The following AGBL2 variants were observed in gnomAD, a reference collection of about 807,000 sequenced individuals.
The protein encoded by AGBL2 is cytosolic carboxypeptidase 2.
Under a neutral mutation model 103.0 loss-of-function variants are expected in AGBL2, and 87 were observed. That is an observed-to-expected ratio of 0.84 (90% confidence interval 0.71 to 1.01). AGBL2 has a LOEUF of 1.01. Ranked by LOEUF, AGBL2 falls within the 50% of genes least tolerant of loss-of-function variation. AGBL2 has a pLI of 0.00. For synonymous variants in AGBL2, 335 were observed against 356.7 expected (o/e 0.94, Z 0.69); for missense variants, 904 against 1,023.5 (o/e 0.88, Z 1.59).
chr11:47,711,413 C>T (rs1378126924), intron 3 of AGBL2, among the ~76,000 whole-genome samples: 1 of 152,210 alleles, frequency 6.6e-6, no homozygotes, highest in Non-Finnish European at 1.5e-5. Context: ...CCTCCCCTCA[C>T]TTGCTTGCCA....
At chr11:47,684,780 C>T (rs1010100442) in intron 11 of AGBL2, among the ~76,000 whole-genome samples, 1 of 152,074 alleles carries the variant, frequency 6.6e-6, no homozygotes, top group East Asian at 1.9e-4. Flanking sequence ...TAATATCTTA[C>T]AATTATTTGT....
At chr11:47,708,935 A>C (rs2153805507) in intron 4 of AGBL2, among the ~76,000 whole-genome samples, 1 of 152,266 alleles carries the variant, frequency 6.6e-6, no homozygotes, top group East Asian at 1.9e-4. Flanking sequence ...CAGCCTGGCT[A>C]ACATGGCGAG....
intron 14 of AGBL2, among the ~76,000 whole-genome samples, chr11:47,671,696 C>A (rs1182756298): frequency 6.6e-6 from 1 of 152,164 alleles, no homozygotes; most frequent in Non-Finnish European, 1.5e-5. Flanking sequence ...AGAAAGACAG[C>A]AGGAAGAAAA....
chr11:47,695,638 G>T (rs1160226218), intron 8 of AGBL2, among the ~76,000 whole-genome samples: 3 of 151,254 alleles, frequency 2.0e-5, no homozygotes, highest in Non-Finnish European at 4.4e-5. Flanking sequence ...GCTGGGCAGG[G>T]TGGTACATGC....
At chr11:47,668,656 T>C (rs184416393) in intron 15 of AGBL2, among the ~76,000 whole-genome samples, 185 bp downstream of exon 15, 1 of 152,312 alleles carries the variant, frequency 6.6e-6, no homozygotes, top group East Asian at 1.9e-4. Context: ...TAAGATGGCC[T>C]TAAAAATTAA....
At chr11:47,707,628 G>A (rs10769288) in intron 4 of AGBL2, among the ~76,000 whole-genome samples, 44,710 of 152,012 alleles carry the variant, frequency 0.29, 7,782 homozygotes, top group South Asian at 0.43. Flanking sequence ...TTTGGGTGGG[G>A]ACGCAGCCAA....
At chr11:47,713,808 C>T (rs991832289) in intron 3 of AGBL2, among the ~76,000 whole-genome samples, 5 of 151,724 alleles carry the variant, frequency 3.3e-5, no homozygotes, top group African/African-American at 1.2e-4. Flanking sequence ...CCAGGATGGT[C>T]TCGATCTCCT....
Position 47,681,826 on chromosome 11 carries a change from G to A in AGBL2, c.1915+143C>T, listed in dbSNP as rs566272389. 13 of 982,868 alleles carry A rather than the reference G, an allele frequency of 1.3e-5. No individual in the cohort carries two copies. The East Asian group carries it at 2.5e-4, about 19-fold the overall frequency. The allele number at this position is 982,868 out of a possible 1,614,324, so 60.9% of individuals were successfully genotyped here. A position where few individuals can be genotyped will look rare whatever the true frequency, so the allele number is the denominator to read the frequency against. ...AAATATATTTCACATTCATATGTTG[G>A]GCACTCAAATTTAGCATAAGTCTAG... On this transcript the variant is annotated intron_variant, in intron 12 of 18. Transcript: ENST00000525123.
Position 47,687,807 on chromosome 11 carries a change from C to CTT in AGBL2, c.1632-1760_1632-1759dup, listed in dbSNP as rs369461728. 7.8e-4 allele frequency among the ~76,000 whole-genome samples: 108 copies of CTT among 138,560 alleles called. 1 individual carries two copies. The highest frequency in any genetic ancestry group is 9.9e-4 in the Non-Finnish European group (64 of 64,422). The allele number at this position is 138,560 out of a possible 152,430, so 90.9% of individuals were successfully genotyped here. A position where few individuals can be genotyped will look rare whatever the true frequency, so the allele number is the denominator to read the frequency against. On this transcript the variant is annotated intron_variant, in intron 10 of 18. Transcript: ENST00000525123. ...TCTTTCTTTTTTCTTTTCTTTCTTT[C>CTT]TTTTTTTTTTTTTTTGTTAAGACAC...
chr11:47,708,812 C>CAAA (rs1237555094), intron 4 of AGBL2, among the ~76,000 whole-genome samples: 2 of 111,460 alleles, frequency 1.8e-5, no homozygotes, highest in African/African-American at 6.4e-5. Context: ...GACTCTGTCT[C>CAAA]AAAAAAAAAA....
chr11:47,660,483 C>T, intron 18 of AGBL2, 137 bp from the exon 19 acceptor site: 1 of 771,464 alleles, frequency 1.3e-6, no homozygotes, highest in Non-Finnish European at 2.0e-6. Flanking sequence ...AAGTAGTTGA[C>T]AATGTTACAG....
In AGBL2 at chr11:47,704,093, CTCTG is replaced by C. The variant is rs1565085473; in HGVS notation, c.586+446_586+449del. On this transcript the variant is annotated intron_variant, in intron 7 of 18. Coordinates refer to ENST00000525123, the MANE Select transcript of AGBL2 (RefSeq NM_024783.4). ...CTCCAGCCTGAGTGACAGAGTGAGA[CTCTG>C]TCTCAGTAAATAAATAAATAAATAA... 2.6e-5 allele frequency among the ~76,000 whole-genome samples: 4 copies of C among 151,662 alleles called. No homozygotes were observed. The South Asian group carries it at 6.2e-4, about 24-fold the overall frequency.
At chr11:47,681,303 G>T (rs1196024325) in intron 12 of AGBL2, among the ~76,000 whole-genome samples, 1 of 151,896 alleles carries the variant, frequency 6.6e-6, no homozygotes, top group Non-Finnish European at 1.5e-5. Context: ...CTACACTCTA[G>T]CCTGGGTGAA....
intron 4 of AGBL2, among the ~76,000 whole-genome samples, chr11:47,707,555 C>A (rs1270365108): frequency 6.6e-6 from 1 of 152,118 alleles, no homozygotes; most frequent in African/African-American, 2.4e-5. Context: ...AAAAAACCTG[C>A]CCCCATGATT....
At chr11:47,703,662 C>T (rs2097506397) in intron 7 of AGBL2, among the ~76,000 whole-genome samples, 1 of 151,150 alleles carries the variant, frequency 6.6e-6, no homozygotes, top group South Asian at 2.1e-4. Context: ...TGGTGGCTCA[C>T]ATCTGTAATC....
chr11:47,697,406 T>G (rs1301801264), intron 8 of AGBL2, among the ~76,000 whole-genome samples: 3 of 151,694 alleles, frequency 2.0e-5, no homozygotes, highest in Non-Finnish European at 4.4e-5. Context: ...GCCCGGCTAA[T>G]TTTTTGTATT....
intron 14 of AGBL2, among the ~76,000 whole-genome samples, chr11:47,673,721 G>A (rs1245470372): frequency 3.4e-5 from 5 of 147,818 alleles, no homozygotes; most frequent in Admixed American, 1.4e-4. Context: ...TTGAACCCGG[G>A]AAGCGGAGGT....
At chr11:47,671,327 C>T (rs2097356754) in intron 14 of AGBL2, among the ~76,000 whole-genome samples, 1 of 151,664 alleles carries the variant, frequency 6.6e-6, no homozygotes, top group South Asian at 2.1e-4. Context: ...CAAGCCTGGC[C>T]AACATTGTGA....
At chr11:47,675,148 A>T (rs1481037164) in intron 14 of AGBL2, among the ~76,000 whole-genome samples, 1 of 149,474 alleles carries the variant, frequency 6.7e-6, no homozygotes, top group Non-Finnish European at 1.5e-5. Flanking sequence ...CTCAAACCTC[A>T]GACTTGGACC....
Sources: allele counts gnomAD v4.1 joint callset (sites outside exome capture counted in the v4.1 genomes callset), GRCh38; gene constraint gnomAD v4.1.1; transcripts MANE v1.5; gene names NCBI Gene and HGNC (gene_info 2026-07-23, HGNC 2026-07-21).